The following HACD1 variants were observed in gnomAD, a reference collection of about 807,000 sequenced individuals.
The protein encoded by HACD1 is 3-hydroxyacyl-CoA dehydratase 1, also known as very-long-chain (3R)-3-hydroxyacyl-CoA dehydratase 1.
HACD1 carries 41 observed loss-of-function variants against 32.0 expected under a neutral mutation model. The ratio of observed to expected loss-of-function variants is 1.28; its 90% confidence interval spans 1.00 to 1.66. HACD1 has a LOEUF of 1.66. Ranked by LOEUF, HACD1 falls within the 40% of genes most tolerant of loss-of-function variation. The pLI is 0.00. For synonymous variants in HACD1, 142 were observed against 139.0 expected, an observed-to-expected ratio of 1.02 and a Z score of -0.15; for missense variants, 396 against 380.1, an observed-to-expected ratio of 1.04 and a Z score of -0.35.
intron 1 of HACD1, among the ~76,000 whole-genome samples, chr10:17,616,418 T>G (rs1026974018): frequency 3.9e-5 from 6 of 152,198 alleles, no homozygotes; most frequent in Admixed American, 6.5e-5. Flanking sequence ...CAACAGGTTT[T>G]GAGAAGCAGT....
At position 17,589,735 on chromosome 10, in the gene HACD1, G is replaced by A. The variant is rs1833905731; in HGVS notation, c.*629C>T. ...AAATAAAAAGCAGATTTCCTTAGCA[G>A]TATAAGTAATTTCAGCTGCCTAGAA... On this transcript the variant is annotated 3_prime_UTR_variant, in exon 7 of 7. Coordinates refer to ENST00000361271, the MANE Select transcript of HACD1 (RefSeq NM_014241.4). 1 of 152,142 alleles carries A rather than the reference G, an allele frequency of 6.6e-6. No homozygotes were observed. The allele number at this position is 152,142 out of a possible 1,614,324, so 9.4% of individuals were successfully genotyped here.
At chr10:17,609,650 T>G (rs1199357964) in intron 1 of HACD1, among the ~76,000 whole-genome samples, 6 of 152,110 alleles carry the variant, frequency 3.9e-5, no homozygotes, top group African/African-American at 1.4e-4. Context: ...TGTGCACCAA[T>G]GGGAAGTCCC....
At chr10:17,597,970 T>C (rs1324651938) in intron 5 of HACD1, among the ~76,000 whole-genome samples, 1 of 151,928 alleles carries the variant, frequency 6.6e-6, no homozygotes, top group Non-Finnish European at 1.5e-5. Context: ...ACAAAGAGTA[T>C]ATAACATGGC....
Position 17,607,840 on chromosome 10 carries a change from G to A in HACD1, c.258-3793C>T, listed in dbSNP as rs147273176. Among the ~76,000 whole-genome samples the A allele has an allele frequency of 3.4e-3, 518 of 152,272 alleles. 2 individuals carry two copies. The highest frequency in any genetic ancestry group is 0.012 in the African/African-American group (500 of 41,554). On this transcript the variant is annotated intron_variant, in intron 1 of 6. Transcript: ENST00000361271. ...CTGTTTTTCCTAAGTAAGGCCAGGA[G>A]CCAATTGAATCAGGGTTCACTTCCT...
intron 1 of HACD1, among the ~76,000 whole-genome samples, chr10:17,609,982 C>CAAA (rs1189308859): frequency 1.5e-5 from 1 of 64,770 alleles, no homozygotes; most frequent in African/African-American, 5.6e-5. Context: ...GACTCCATCT[C>CAAA]AAAAAAAAAA....
intron 1 of HACD1, chr10:17,615,540 G>A (rs1458724980): frequency 6.5e-6 from 1 of 154,820 alleles, no homozygotes; most frequent in Non-Finnish European, 1.4e-5. Context: ...CCTGGAGAAA[G>A]TTTAAAATAT....
At chr10:17,601,610 C>G (rs1834071418) in intron 4 of HACD1, among the ~76,000 whole-genome samples, 1 of 152,156 alleles carries the variant, frequency 6.6e-6, no homozygotes, top group Non-Finnish European at 1.5e-5. Flanking sequence ...CTTCTTCATT[C>G]TTCAGACTCA....
At chr10:17,610,632 CAA>C (rs67149491) in intron 1 of HACD1, among the ~76,000 whole-genome samples, 12 of 128,252 alleles carry the variant, frequency 9.4e-5, no homozygotes, top group Non-Finnish European at 1.0e-4. Flanking sequence ...GACTCTGTCT[CAA>C]AAAAAAAAAA....
chr10:17,603,892 A>G (rs1834106215), intron 2 of HACD1, 38 bp downstream of exon 2: 2 of 1,525,096 alleles, frequency 1.3e-6, no homozygotes, highest in Non-Finnish European at 1.8e-6. Flanking sequence ...TCACATAAAT[A>G]TTACAGCAAT....
rs551814483 is a variant in HACD1, at chr10:17,604,034, C to T, written c.271G>A (p.Ala91Thr). The T allele has an allele frequency of 6.4e-7, 1 of 1,572,156 alleles. No individual in the cohort carries two copies. The highest frequency in any genetic ancestry group is 8.6e-7 in the Non-Finnish European group (1 of 1,165,076). Residue 91 changes from alanine to threonine, a missense_variant, in exon 2 of 7, where the codon GCT becomes ACT. Transcript: ENST00000361271. The stretch of plus-strand genomic sequence containing the variant: ...ATATAAAAACGTACCATGGCAATAG[C>T]TAGAACCAACCACCTAAAAAAAAAA... Reference protein sequence around the residue: ...IAMTAGWLVLAIAMVRFYMEK... With the variant: ...IAMTAGWLVLTIAMVRFYMEK...
At chr10:17,592,101 C>A (rs66611490) in intron 6 of HACD1, among the ~76,000 whole-genome samples, 29,934 of 150,686 alleles carry the variant, frequency 0.2, 3,220 homozygotes, top group Non-Finnish European at 0.22. Flanking sequence ...CCTGCATCAG[C>A]CTCCTGAGTA....
intron 1 of HACD1, among the ~76,000 whole-genome samples, chr10:17,610,089 G>A (rs933841226): frequency 5.7e-4 from 87 of 151,756 alleles, no homozygotes; most frequent in African/African-American, 2.0e-3. Flanking sequence ...GCATATGTTC[G>A]TACATAGACA....
intron 1 of HACD1, among the ~76,000 whole-genome samples, chr10:17,614,005 G>A (rs566642103): frequency 1.3e-5 from 2 of 152,354 alleles, no homozygotes; most frequent in South Asian, 4.1e-4. Flanking sequence ...TTAGATCAGG[G>A]TGGAGGTGGC....
rs1489392925 is a variant in HACD1 at position 17,615,303 on chromosome 10, T to G, written c.257+1780A>C. ...TCTTGGGCAAGTATCTGTGCCTCAC[T>G]CTTCTAATCTATATAATGTAATATC... On this transcript the variant is annotated intron_variant, in intron 1 of 6. Transcript: ENST00000361271. 2.0e-5 allele frequency among the ~76,000 whole-genome samples: 3 copies of G among 152,344 alleles called. No homozygotes were observed. In the East Asian group the frequency reaches 5.8e-4, roughly 29 times the overall value.
intron 1 of HACD1, among the ~76,000 whole-genome samples, chr10:17,610,318 A>G (rs1459388229): frequency 6.6e-6 from 1 of 152,158 alleles, no homozygotes; most frequent in Non-Finnish European, 1.5e-5. Flanking sequence ...CATACTAAGT[A>G]TACTGTGAAA....
chr10:17,611,125 C>G (rs535107945), intron 1 of HACD1, among the ~76,000 whole-genome samples: 3 of 151,722 alleles, frequency 2.0e-5, no homozygotes, highest in Non-Finnish European at 4.4e-5. Context: ...CTCAGTCTCC[C>G]GAGTAGCTGG....
At chr10:17,592,317 C>G (rs1833939431) in intron 6 of HACD1, among the ~76,000 whole-genome samples, 1 of 152,018 alleles carries the variant, frequency 6.6e-6, no homozygotes, top group African/African-American at 2.4e-5. Context: ...CACTTAACCT[C>G]TTTCATCTTA....
rs1554816742 is a variant in HACD1, at chr10:17,603,652, A to T, written c.395-4T>A. 6 of 1,611,894 alleles carry T rather than the reference A, an allele frequency of 3.7e-6. No individual in the cohort carries two copies. Among genetic ancestry groups the T allele is most frequent in the Non-Finnish European group, 5.1e-6 (6 of 1,178,232 alleles). The stretch of plus-strand genomic sequence containing the variant: ...ATCACAGAAGTAGGTACAATTCCTT[A>T]AAAAGAAAAACAAGTGAACTATTGC... On this transcript the variant is annotated splice_polypyrimidine_tract_variant and splice_region_variant and intron_variant, in intron 3 of 6. Transcript: ENST00000361271.
chr10:17,601,989 T>C (rs1554816560), intron 4 of HACD1, among the ~76,000 whole-genome samples: 1 of 151,936 alleles, frequency 6.6e-6, no homozygotes, highest in Non-Finnish European at 1.5e-5. Flanking sequence ...GCCAGAGATC[T>C]GTCCTCGAGT....
Sources: gnomAD v4.1 joint callset for allele counts (sites outside exome capture counted in the v4.1 genomes callset) on GRCh38, gnomAD v4.1.1 for gene constraint, MANE v1.5 for transcripts, NCBI Gene and HGNC (gene_info 2026-07-23, HGNC 2026-07-21) for gene names.